Variants in SNTG1 observed in about 807,000 individuals in gnomAD.
SNTG1 encodes the protein syntrophin gamma 1, also known as gamma-1-syntrophin.
SNTG1 carries 39 observed loss-of-function variants against 74.7 expected under a neutral mutation model. The ratio of observed to expected loss-of-function variants is 0.52; its 90% CI spans 0.40 to 0.68. SNTG1 has a LOEUF of 0.68. SNTG1 is among the 30% of genes least tolerant of loss of function. The pLI is 0.00. For missense variants in SNTG1, 685 were observed against 609.5 expected (o/e 1.12, Z -1.30); for synonymous variants, 254 against 217.1 (o/e 1.17, Z -1.49).
At chr8:50,087,023 C>G (rs1197128956) in intron 1 of SNTG1, among the ~76,000 whole-genome samples, 1 of 152,172 alleles carries the variant, frequency 6.6e-6, no homozygotes, top group Non-Finnish European at 1.5e-5. Flanking sequence ...TTGTTTCACA[C>G]AGAAGTCAGC....
chr8:50,682,132 C>T (rs2095333514), intron 15 of SNTG1, among the ~76,000 whole-genome samples: 1 of 152,130 alleles, frequency 6.6e-6, no homozygotes, highest in South Asian at 2.1e-4. Flanking sequence ...ATCTTTACTT[C>T]TATAGAAGGG....
intron 1 of SNTG1, among the ~76,000 whole-genome samples, chr8:49,941,910 T>C (rs1808728819): frequency 6.6e-6 from 1 of 152,246 alleles, no homozygotes. Context: ...CAAGACCTAC[T>C]GTGAACATTG....
At chr8:50,410,609 C>T (rs2092935830) in intron 4 of SNTG1, among the ~76,000 whole-genome samples, 1 of 151,956 alleles carries the variant, frequency 6.6e-6, no homozygotes. Context: ...TATATTAGAC[C>T]CTGAGATCTT....
At chr8:50,425,527 G>A (rs925484253) in intron 4 of SNTG1, among the ~76,000 whole-genome samples, 4 of 152,034 alleles carry the variant, frequency 2.6e-5, no homozygotes, top group African/African-American at 9.7e-5. Flanking sequence ...ATTATGGTGA[G>A]TTGTATAATT....
chr8:50,570,161 C>T (rs189280041), intron 12 of SNTG1, among the ~76,000 whole-genome samples: 64 of 151,514 alleles, frequency 4.2e-4, no homozygotes, highest in Non-Finnish European at 6.5e-4. Flanking sequence ...AAAACATCTG[C>T]GTTGATTTCC....
intron 2 of SNTG1, among the ~76,000 whole-genome samples, chr8:50,358,815 G>C (rs1025288806): frequency 4.6e-5 from 7 of 152,090 alleles, no homozygotes; most frequent in African/African-American, 1.4e-4. Context: ...ATGTTTTAAG[G>C]CTTGATGAAC....
At chr8:50,099,277 A>T (rs988968930) in intron 1 of SNTG1, among the ~76,000 whole-genome samples, 2 of 152,104 alleles carry the variant, frequency 1.3e-5, no homozygotes, top group Non-Finnish European at 2.9e-5. Context: ...AACAGAACCC[A>T]GATATTCTTT....
intron 2 of SNTG1, among the ~76,000 whole-genome samples, chr8:50,205,374 G>A (rs1017630023): frequency 2.0e-5 from 3 of 152,146 alleles, no homozygotes; most frequent in Admixed American, 1.3e-4. Context: ...GTCTTCTTTT[G>A]AGAAGTGTCT....
chr8:50,454,513 C>A (rs2093485399), intron 8 of SNTG1, among the ~76,000 whole-genome samples: 1 of 150,380 alleles, frequency 6.6e-6, no homozygotes, highest in South Asian at 2.1e-4. Context: ...AACAAACAAA[C>A]AAAACAAAAC....
At chr8:50,199,363 G>T (rs77383071) in intron 2 of SNTG1, among the ~76,000 whole-genome samples, 2 of 151,554 alleles carry the variant, frequency 1.3e-5, no homozygotes, top group Admixed American at 1.3e-4. Context: ...CATTACAGGT[G>T]CCCACCACTA....
intron 8 of SNTG1, among the ~76,000 whole-genome samples, chr8:50,484,497 G>A (rs999906224): frequency 2.0e-5 from 3 of 151,592 alleles, no homozygotes; most frequent in East Asian, 2.0e-4. Context: ...TTACAGGCGT[G>A]AGCCTCCATG....
intron 2 of SNTG1, among the ~76,000 whole-genome samples, chr8:50,173,611 G>T (rs1482503769): frequency 6.6e-6 from 1 of 152,120 alleles, no homozygotes; most frequent in Non-Finnish European, 1.5e-5. Flanking sequence ...CTATTAAAGA[G>T]ATTTCTAGGC....
chr8:50,236,682 C>T (rs1047704388), intron 2 of SNTG1, among the ~76,000 whole-genome samples: 2 of 151,922 alleles, frequency 1.3e-5, no homozygotes, highest in African/African-American at 4.8e-5. Context: ...GATCTCCTGA[C>T]CTTGTGATCC....
At chr8:50,016,019 T>C (rs1470946944) in intron 1 of SNTG1, among the ~76,000 whole-genome samples, 3 of 152,198 alleles carry the variant, frequency 2.0e-5, no homozygotes, top group Non-Finnish European at 2.9e-5. Context: ...CTGCAGGCCT[T>C]GCAGTTTTCA....
At chr8:50,159,781 C>A (rs1367050843) in intron 1 of SNTG1, among the ~76,000 whole-genome samples, 1 of 152,166 alleles carries the variant, frequency 6.6e-6, no homozygotes, top group Non-Finnish European at 1.5e-5. Flanking sequence ...GGCATCCTCT[C>A]ATTCTACCCT....
rs540196877 is a variant in SNTG1 at position 50,077,056 on chromosome 8, C to T, written c.-102-95505C>T. 8.5e-5 allele frequency among the ~76,000 whole-genome samples: 13 copies of T among 152,236 alleles called. No individual in the cohort carries two copies. In the South Asian group the frequency reaches 2.5e-3, roughly 29 times the overall value. On this transcript the variant is annotated intron_variant, in intron 1 of 18. Transcript: ENST00000642720. ...AGGTGACTGTCTTTTCTGCCTCTGG[C>T]TTAACGTTCTATATTTACTCCTGGA...
intron 12 of SNTG1, among the ~76,000 whole-genome samples, chr8:50,567,134 G>A (rs892237729): frequency 6.6e-6 from 1 of 152,052 alleles, no homozygotes; most frequent in Non-Finnish European, 1.5e-5. Context: ...GACAAAATTA[G>A]TTGAAATAAA....
chr8:49,990,637 GA>G (rs1813593388), intron 1 of SNTG1, among the ~76,000 whole-genome samples: 1 of 152,104 alleles, frequency 6.6e-6, no homozygotes, highest in Admixed American at 6.5e-5. Flanking sequence ...ATAGACTTGA[GA>G]TTCCATAAAT....
intron 12 of SNTG1, among the ~76,000 whole-genome samples, chr8:50,584,261 G>A (rs374501333): frequency 4.7e-5 from 7 of 150,422 alleles, no homozygotes; most frequent in African/African-American, 1.5e-4. Flanking sequence ...ATAGCAGCAT[G>A]ATCCTTTGGG....
Sources: gnomAD v4.1 joint callset for allele counts (sites outside exome capture counted in the v4.1 genomes callset) on GRCh38, gnomAD v4.1.1 for gene constraint, MANE v1.5 for transcripts, NCBI Gene and HGNC (gene_info 2026-07-23, HGNC 2026-07-21) for gene names.